RNF43: variants seen among roughly 807,000 people sequenced by gnomAD.
RNF43 encodes ring finger protein 43.
In RNF43, 37 loss-of-function variants were observed where a neutral mutation model predicts 78.4. That is an observed-to-expected ratio of 0.47 (90% CI 0.36 to 0.62). The LOEUF (loss-of-function observed/expected upper bound fraction) is 0.62. Among genes scored for constraint, RNF43 ranks in the 20% least tolerant of loss-of-function variants. The pLI is 0.00. For synonymous variants in RNF43, 347 were observed against 395.0 expected, an observed-to-expected ratio of 0.88 and a Z score of 1.44; for missense variants, 774 against 1,007.9, an observed-to-expected ratio of 0.77 and a Z score of 3.14.
At chr17:58,390,039 A>G (rs1217374263) in intron 2 of RNF43, among the ~76,000 whole-genome samples, 2 of 152,348 alleles carry the variant, frequency 1.3e-5, no homozygotes, top group Admixed American at 1.3e-4. Context: ...AGCAGAGCAC[A>G]TGACGGGGTG....
At chr17:58,370,629 T>C (rs1346030325) in intron 3 of RNF43, among the ~76,000 whole-genome samples, 4 of 152,132 alleles carry the variant, frequency 2.6e-5, no homozygotes, top group African/African-American at 9.7e-5. Flanking sequence ...TTTGCTCTGG[T>C]GCAGAGCAGG....
At chr17:58,375,468 C>T (rs1015484810) in intron 2 of RNF43, among the ~76,000 whole-genome samples, 1 of 152,192 alleles carries the variant, frequency 6.6e-6, no homozygotes, top group African/African-American at 2.4e-5. Flanking sequence ...CATTACCCCA[C>T]GGTATTGTAA....
At position 58,401,518 on chromosome 17, in the gene RNF43, G is replaced by A. The variant is rs184531171; in HGVS notation, c.252+13808C>T. Among the ~76,000 whole-genome samples the A allele has an allele frequency of 2.7e-3, 409 of 152,304 alleles. 6 individuals are homozygous for A. The highest frequency in any genetic ancestry group is 2.1e-3 in the Non-Finnish European group (143 of 68,030). Reference sequence around the variant, plus strand: ...TGCCAGGACAGGTGGTATGGTAGAAGTATGGAATCTTGCCAGACAGGCTCT... The same window carrying A: ...TGCCAGGACAGGTGGTATGGTAGAAATATGGAATCTTGCCAGACAGGCTCT... On this transcript the variant is annotated intron_variant, in intron 2 of 9. Coordinates refer to ENST00000407977, the MANE Select transcript of RNF43 (RefSeq NM_017763.6).
intron 2 of RNF43, among the ~76,000 whole-genome samples, chr17:58,379,808 T>C (rs540526185): frequency 4.6e-5 from 7 of 152,316 alleles, no homozygotes; most frequent in Admixed American, 3.9e-4. Flanking sequence ...GCACTAATCA[T>C]AGACAGGAGA....
chr17:58,391,748 C>G (rs759014373), intron 2 of RNF43, among the ~76,000 whole-genome samples: 1 of 152,146 alleles, frequency 6.6e-6, no homozygotes, highest in African/African-American at 2.4e-5. Flanking sequence ...TCCAAAGCAC[C>G]TCATAGAGAT....
intron 2 of RNF43, among the ~76,000 whole-genome samples, chr17:58,397,504 A>T (rs925039841): frequency 6.6e-6 from 1 of 152,080 alleles, no homozygotes; most frequent in East Asian, 1.9e-4. Context: ...CTACTAAAAA[A>T]ATACAAAAAT....
chr17:58,369,075 A>ACACACACACACACACACG (rs1973021993), intron 3 of RNF43, among the ~76,000 whole-genome samples: 3 of 151,888 alleles, frequency 2.0e-5, no homozygotes, highest in Admixed American at 2.0e-4. Context: ...TCATACACAC[A>ACACACACACACACACACG]CACACACACA....
At chr17:58,356,298 G>C (rs1427227257) in intron 9 of RNF43, among the ~76,000 whole-genome samples, 1 of 152,224 alleles carries the variant, frequency 6.6e-6, no homozygotes, top group Non-Finnish European at 1.5e-5. Flanking sequence ...GGTCCTGCAG[G>C]AAGAATTCCT....
chr17:58,354,969 C>T lies in RNF43; in HGVS notation c.2326G>A (p.Glu776Lys), dbSNP rs771349279. The T allele has an allele frequency of 1.1e-5, 17 of 1,613,940 alleles. No individual in the cohort carries two copies. The highest frequency in any genetic ancestry group is 2.2e-5 in the East Asian group (1 of 44,894). ...CACACAGCCTGTTCACACAGCTCCT[C>T]GAGTTCCTCCTCTGAGCCTGTATTT... Reference protein sequence around the residue: ...SAQPGSEEELEELCEQAV With the variant: ...SAQPGSEEELKELCEQAV Residue 776 changes from glutamate (E) to lysine (K), a missense_variant, in exon 10 of 10, where the codon GAG (glutamate) becomes AAG (lysine). By Grantham distance (56) the Glu-to-Lys change is moderately conservative (BLOSUM62 1). Transcript: ENST00000407977.
In RNF43 at chr17:58,358,879, C is replaced by A. The variant is rs1317844405; in HGVS notation, c.953-56G>T. On this transcript the variant is annotated intron_variant, in intron 8 of 9. Coordinates refer to ENST00000407977, the MANE Select transcript of RNF43 (RefSeq NM_017763.6). This position sits in a 1 kb window ranked among gnomAD's most constrained non-coding sequence, Gnocchi z 6.2. Reference sequence around the variant, plus strand: ...TAACTCTACAAACCTACAGAGAATGCATTCAGAAAGACATGGCTGTAGCTA... The same window carrying A: ...TAACTCTACAAACCTACAGAGAATGAATTCAGAAAGACATGGCTGTAGCTA... 1 of 1,420,258 alleles carries A rather than the reference C, an allele frequency of 7.0e-7. No individual in the cohort carries two copies. The highest frequency in any genetic ancestry group is 9.2e-7 in the Non-Finnish European group (1 of 1,086,010). The allele number at this position is 1,420,258 out of a possible 1,614,324, so 88.0% of individuals were successfully genotyped here. A position where few individuals can be genotyped will look rare whatever the true frequency, so the allele number is the denominator to read the frequency against.
intron 2 of RNF43, among the ~76,000 whole-genome samples, chr17:58,373,359 GA>G (rs894200160): frequency 6.6e-6 from 1 of 151,840 alleles, no homozygotes; most frequent in African/African-American, 2.4e-5. Context: ...AGGTGGAAGG[GA>G]AAAAAAACCT....
rs2143399447 is a variant in RNF43, at chr17:58,357,974, G to T, written c.1802C>A (p.Ser601Tyr). The change falls in exon 9 of 10, where the codon TCC (serine) becomes TAC (tyrosine). Residue 601 changes from serine to tyrosine, a missense_variant. Coordinates refer to ENST00000407977, the MANE Select transcript of RNF43 (RefSeq NM_017763.6). The surrounding 1 kb of genome is among the most constrained non-coding windows in gnomAD (Gnocchi z 4.5). Reference sequence around the variant, plus strand: ...CCGCCCCGAAGGGGCTGCTGAGTTGGATCTGGTGACTTGCTGATCAGGAGA... The same window carrying T: ...CCGCCCCGAAGGGGCTGCTGAGTTGTATCTGGTGACTTGCTGATCAGGAGA... ...PPSPDQQVTRSNSAAPSGRLS... is the reference protein window; with the variant it reads ...PPSPDQQVTRYNSAAPSGRLS... 6.2e-7 allele frequency: 1 copy of T among 1,609,908 alleles called. No homozygotes were observed. The highest frequency in any genetic ancestry group is 1.1e-5 in the South Asian group (1 of 90,482).
In RNF43 at chr17:58,415,429, A is replaced by G. The variant is rs1974103186; in HGVS notation, c.149T>C (p.Val50Ala). 1 of 1,614,222 alleles carries G rather than the reference A, an allele frequency of 6.2e-7. No individual in the cohort carries two copies. Among genetic ancestry groups the G allele is most frequent in the East Asian group, 2.2e-5 (1 of 44,886 alleles). Residue 50 changes from valine (V) to alanine (A), a missense_variant, in exon 2 of 10, where the codon GTG becomes GCG. Coordinates refer to ENST00000407977, the MANE Select transcript of RNF43 (RefSeq NM_017763.6). ...TGTGGGGTCCATTTTCAAGGGGATC[A>G]CTCTGATAATAGCTTTCTGTTCTGC... is the stretch of plus-strand genomic sequence containing the variant. ...RSAEQKAIIR[V>A]IPLKMDPTGK...
intron 3 of RNF43, among the ~76,000 whole-genome samples, chr17:58,367,085 C>T (rs749316864): frequency 6.7e-6 from 1 of 150,010 alleles, no homozygotes; most frequent in African/African-American, 2.5e-5. Flanking sequence ...ACTGCAACTG[C>T]CGCCTCCTGG....
intron 2 of RNF43, among the ~76,000 whole-genome samples, chr17:58,387,800 T>C (rs1598153530): frequency 6.6e-6 from 1 of 152,144 alleles, no homozygotes; most frequent in African/African-American, 2.4e-5. Flanking sequence ...AGCTAAGATA[T>C]AACTATCTTA....
Position 58,360,906 on chromosome 17 carries a change from C to T in RNF43, c.726G>A (p.Gln242=), listed in dbSNP as rs779091543. 5 of 1,606,244 alleles carry T rather than the reference C, an allele frequency of 3.1e-6. No homozygotes were observed. The East Asian group carries it at 1.1e-4, about 36-fold the overall frequency. ...TGGCCTGGTACCTCCTGGTGGCCAG[C>T]TGGCTGATGGCCCAGGCTGTTCTCT... ...LQQRTAWAIS[Q]LATRRYQASC... is the part of the protein sequence containing the mutation. The change falls in exon 7 of 10, where the codon CAG becomes CAA. Residue 242 remains glutamine, a synonymous_variant. Coordinates refer to ENST00000407977, the MANE Select transcript of RNF43 (RefSeq NM_017763.6). The surrounding 1 kb of genome is among the most constrained non-coding windows in gnomAD (Gnocchi z 4.3).
chr17:58,363,492 C>A (rs2143472358), intron 4 of RNF43, 34 bp downstream of exon 4: 1 of 1,611,276 alleles, frequency 6.2e-7, no homozygotes, highest in Non-Finnish European at 8.5e-7. Context: ...CTCCATCCAG[C>A]CCCCACCTTG....
chr17:58,376,024 AAGG>A (rs1487834140), intron 2 of RNF43, among the ~76,000 whole-genome samples: 1 of 152,170 alleles, frequency 6.6e-6, no homozygotes, highest in African/African-American at 2.4e-5. Context: ...GGAGGGCAGG[AAGG>A]AGGTGTCTGG....
chr17:58,387,651 C>T (rs1348168388), intron 2 of RNF43, among the ~76,000 whole-genome samples: 3 of 151,408 alleles, frequency 2.0e-5, no homozygotes, highest in Admixed American at 2.0e-4. Context: ...CAGAGAGAGA[C>T]TCCATCTTCA....
Sources: allele counts gnomAD v4.1 joint callset (sites outside exome capture counted in the v4.1 genomes callset), GRCh38; gene constraint gnomAD v4.1.1; non-coding constraint Gnocchi (gnomAD v3.1); transcripts MANE v1.5; gene names NCBI Gene and HGNC (gene_info 2026-07-23, HGNC 2026-07-21).